Variants in PLAC1 observed in about 807,000 individuals in gnomAD.
The protein encoded by PLAC1 is placenta associated 1.
For synonymous variants in PLAC1, 68 were observed against 62.1 expected, an observed-to-expected ratio of 1.09 and a Z score of -0.44; for missense variants, 136 against 163.2, an observed-to-expected ratio of 0.83 and a Z score of 0.91.
At chrX:134,660,954 A>T (rs2078414360), upstream of PLAC1, among the ~76,000 whole-genome samples, 1 of 105,813 alleles carries the variant, frequency 9.5e-6, no homozygotes, top group Non-Finnish European at 1.9e-5. Context: ...TAAAAAAATT[A>T]TCATCCCCTT....
intron 2 of PLAC1, among the ~76,000 whole-genome samples, chrX:134,693,489 A>G (rs1198831210): frequency 8.9e-6 from 1 of 112,248 alleles, no homozygotes; most frequent in Non-Finnish European, 1.9e-5. Context: ...TGCAAGGAAG[A>G]TGCAATTATT....
chrX:134,646,509 C>T (rs1196000966), intron 1 of PLAC1, among the ~76,000 whole-genome samples: 3 of 112,000 alleles, frequency 2.7e-5, no homozygotes, highest in Non-Finnish European at 5.6e-5. Context: ...GCAAGTGATA[C>T]GGGAAAAGCA....
At chrX:134,569,540 G>C (rs1047905129) in intron 2 of PLAC1, among the ~76,000 whole-genome samples, 1 of 111,721 alleles carries the variant, frequency 9.0e-6, no homozygotes, top group African/African-American at 3.3e-5. Flanking sequence ...AGGTCACTGA[G>C]ACCCAGGTTT....
chrX:134,761,074 A>G (rs565241860), intron 1 of PLAC1, among the ~76,000 whole-genome samples: 5 of 111,827 alleles, frequency 4.5e-5, no homozygotes, highest in South Asian at 3.7e-4. Context: ...TAGGCTCATG[A>G]GAAAAAATGA....
At chrX:134,691,084 A>G (rs1338022645) in intron 2 of PLAC1, among the ~76,000 whole-genome samples, 1 of 89,057 alleles carries the variant, frequency 1.1e-5, no homozygotes, top group Non-Finnish European at 2.1e-5. Flanking sequence ...CAAGACTTTA[A>G]CTTCTTTCTT....
At chrX:134,567,205 T>C (rs1296488757) in intron 2 of PLAC1, among the ~76,000 whole-genome samples, 1 of 112,285 alleles carries the variant, frequency 8.9e-6, no homozygotes, top group Non-Finnish European at 1.9e-5. Flanking sequence ...ACAGATTTGA[T>C]CAAATAAAAA....
chrX:134,711,267 C>A (rs1419861784), intron 2 of PLAC1, among the ~76,000 whole-genome samples: 1 of 112,268 alleles, frequency 8.9e-6, no homozygotes, highest in Non-Finnish European at 1.9e-5. Flanking sequence ...TGCTTTCATT[C>A]TTTATAAATA....
intron 2 of PLAC1, among the ~76,000 whole-genome samples, chrX:134,680,000 G>A (rs1288115865): frequency 8.9e-6 from 1 of 111,891 alleles, no homozygotes; most frequent in Admixed American, 9.5e-5. Flanking sequence ...ACTGAGCAGA[G>A]TTTTCAGGCA....
chrX:134,721,475 T>C (rs995080869), intron 2 of PLAC1, among the ~76,000 whole-genome samples: 2 of 110,677 alleles, frequency 1.8e-5, no homozygotes, highest in Non-Finnish European at 3.8e-5. Flanking sequence ...CTCGGGAGGC[T>C]GAGGATTGCT....
intron 2 of PLAC1, among the ~76,000 whole-genome samples, chrX:134,668,246 G>A (rs2078443816): frequency 8.9e-6 from 1 of 112,458 alleles, no homozygotes; most frequent in South Asian, 3.7e-4. Context: ...ACATATACAC[G>A]ATTCCATTTA....
At chrX:134,616,667 T>G (rs991756076) in intron 1 of PLAC1, among the ~76,000 whole-genome samples, 2 of 110,889 alleles carry the variant, frequency 1.8e-5, no homozygotes, top group Non-Finnish European at 3.8e-5. Context: ...CAAAAAAAAA[T>G]TGCTTCAGCT....
At chrX:134,614,221 T>C (rs1391951994) in intron 1 of PLAC1, among the ~76,000 whole-genome samples, 2 of 111,602 alleles carry the variant, frequency 1.8e-5, no homozygotes, top group African/African-American at 6.5e-5. Flanking sequence ...ATGATTTTAC[T>C]TTCACATATT....
At chrX:134,682,964 C>T (rs995566892) in intron 2 of PLAC1, among the ~76,000 whole-genome samples, 1 of 111,950 alleles carries the variant, frequency 8.9e-6, no homozygotes, top group Non-Finnish European at 1.9e-5. Context: ...CATATGGACT[C>T]TTCAACTGTG....
chrX:134,660,606 T>A (rs992939692), upstream of PLAC1, among the ~76,000 whole-genome samples: 3 of 111,660 alleles, frequency 2.7e-5, no homozygotes, highest in African/African-American at 9.8e-5. Flanking sequence ...ATTATCCAGA[T>A]GCAGAGCAGA....
At chrX:134,724,165 G>GA (rs1395225168) in intron 2 of PLAC1, among the ~76,000 whole-genome samples, 2 of 111,827 alleles carry the variant, frequency 1.8e-5, no homozygotes, top group East Asian at 5.6e-4. Flanking sequence ...TTCTGGAACA[G>GA]AAAAAATACA....
chrX:134,697,678 G>A (rs982881958), intron 2 of PLAC1, among the ~76,000 whole-genome samples: 1 of 111,444 alleles, frequency 9.0e-6, no homozygotes, highest in Non-Finnish European at 1.9e-5. Context: ...GACCAGCCTG[G>A]CCAACATGGT....
At chrX:134,623,773 G>A (rs900163855) in intron 1 of PLAC1, among the ~76,000 whole-genome samples, 3 of 111,743 alleles carry the variant, frequency 2.7e-5, no homozygotes, top group Middle Eastern at 4.2e-3. Context: ...CCTGGTTCCC[G>A]TGGCATTCTG....
intron 2 of PLAC1, among the ~76,000 whole-genome samples, chrX:134,689,600 T>A (rs983331707): frequency 1.8e-5 from 2 of 111,367 alleles, no homozygotes; most frequent in African/African-American, 6.5e-5. Context: ...GATATAAATT[T>A]GAAAATACTG....
intron 1 of PLAC1, among the ~76,000 whole-genome samples, chrX:134,610,062 C>T (rs1450823381): frequency 1.8e-5 from 2 of 111,381 alleles, no homozygotes; most frequent in Non-Finnish European, 3.8e-5. Context: ...ACTGCAACCT[C>T]TGCCTCCCAG....
Sources: allele counts gnomAD v4.1 joint callset (sites outside exome capture counted in the v4.1 genomes callset), GRCh38; gene constraint gnomAD v4.1.1; transcripts MANE v1.5; gene names NCBI Gene and HGNC (gene_info 2026-07-23, HGNC 2026-07-21).